ITGAE: variants seen among roughly 807,000 people sequenced by gnomAD.
The protein encoded by ITGAE is integrin subunit alpha E, also known as integrin alpha-E.
ITGAE carries 99 observed loss-of-function variants against 136.5 expected under a neutral mutation model. The observed-to-expected ratio is 0.73, with a 90% CI of 0.62 to 0.86. The LOEUF is 0.86. Ranked by LOEUF, ITGAE falls within the 40% of genes least tolerant of loss-of-function variation. The pLI, the probability that ITGAE is intolerant of heterozygous loss-of-function variation, is 0.00. For synonymous variants in ITGAE, 613 were observed against 591.8 expected, an observed-to-expected ratio of 1.04 and a Z score of -0.52; for missense variants, 1,447 against 1,515.3, an observed-to-expected ratio of 0.95 and a Z score of 0.75.
intron 5 of ITGAE, 85 bp downstream of exon 5, chr17:3,761,318 C>T: frequency 1.3e-6 from 2 of 1,541,560 alleles, no homozygotes; most frequent in Non-Finnish European, 1.8e-6. Flanking sequence ...CGTCCCACTG[C>T]ATCTGCCGTG....
chr17:3,781,407 T>C (rs2052664533), intron 1 of ITGAE, among the ~76,000 whole-genome samples: 1 of 152,162 alleles, frequency 6.6e-6, no homozygotes, highest in African/African-American at 2.4e-5. Flanking sequence ...TGGAGTGCAG[T>C]GGCGCTATCT....
rs201241102 is a variant in ITGAE, at chr17:3,728,029, G to C, written c.2977-3C>G. On this transcript the variant is annotated splice_region_variant and splice_polypyrimidine_tract_variant and intron_variant, in intron 25 of 30. Coordinates refer to ENST00000263087, the MANE Select transcript of ITGAE (RefSeq NM_002208.5). ...CCAAAGAGGTTCTCCCCATGTACCT[G>C]CAAATTAAAATCAGAGTAGGAAATC... The C allele has an allele frequency of 2.7e-5, 44 of 1,611,996 alleles. No individual in the cohort carries two copies. The East Asian group carries it at 4.7e-4, about 17-fold the overall frequency.
At chr17:3,773,047 C>T (rs913778097) in intron 2 of ITGAE, among the ~76,000 whole-genome samples, 1 of 152,174 alleles carries the variant, frequency 6.6e-6, no homozygotes, top group Admixed American at 6.5e-5. Context: ...TCCTAACTTC[C>T]GAGGCCCATC....
At chr17:3,754,211 C>A (rs182314870) in intron 12 of ITGAE, among the ~76,000 whole-genome samples, 48 of 152,298 alleles carry the variant, frequency 3.2e-4, no homozygotes, top group African/African-American at 1.1e-3. Context: ...CTCCCACACA[C>A]ACCCTAGGAG....
At position 3,763,962 on chromosome 17, in the gene ITGAE, T is replaced by A; in HGVS notation, c.156-2A>T. ...GTTCTGGGGCTGGTGACCAGGAGCC[T>A]GAGTGGGAGGGGAGGTTGCAAAGCT... On this transcript the variant is annotated splice_acceptor_variant, in intron 2 of 30. Coordinates refer to ENST00000263087, the MANE Select transcript of ITGAE (RefSeq NM_002208.5). LOFTEE classifies it high-confidence loss of function. 1 of 1,608,846 alleles carries A rather than the reference T, an allele frequency of 6.2e-7. No individual in the cohort carries two copies. The highest frequency in any genetic ancestry group is 8.5e-7 in the Non-Finnish European group (1 of 1,176,202).
intron 21 of ITGAE, among the ~76,000 whole-genome samples, chr17:3,733,471 G>A (rs1038050191): frequency 4.5e-4 from 69 of 152,048 alleles, no homozygotes; most frequent in African/African-American, 1.6e-3. Flanking sequence ...GCCCAGGCTG[G>A]AGTGCAGTGG....
At chr17:3,790,085 G>T (rs1399287160) in intron 1 of ITGAE, among the ~76,000 whole-genome samples, 1 of 152,080 alleles carries the variant, frequency 6.6e-6, no homozygotes, top group Admixed American at 6.6e-5. Context: ...GTCCTTCTTG[G>T]TGTGACACTC....
chr17:3,796,115 GCATCCCTGTGTGTGCATCCA>G (rs2053087502), intron 1 of ITGAE, among the ~76,000 whole-genome samples: 1 of 41,834 alleles, frequency 2.4e-5, no homozygotes, highest in Non-Finnish European at 4.6e-5. Context: ...ATCCCTGTGT[GCATCCCTGTGTGTGCATCCA>G]TGTGTGTGCA....
At chr17:3,728,368 CTTTTTTTTTTTTT>C (rs569101162) in intron 24 of ITGAE, 200 bp from the exon 25 acceptor site, 3 of 191,616 alleles carry the variant, frequency 1.6e-5, no homozygotes, top group Non-Finnish European at 2.7e-5. Context: ...ACACTCATCC[CTTTTTTTTTTTTT>C]TTTTTTTTTT....
In ITGAE at chr17:3,717,599, C is replaced by T. The variant is rs2143005434; in HGVS notation, c.3334-801G>A. 3 of 152,376 alleles carry T rather than the reference C, an allele frequency of 2.0e-5. No individual in the cohort carries two copies. The South Asian group carries it at 6.2e-4, about 32-fold the overall frequency. 9.4% of individuals were successfully genotyped at this position (152,376 alleles called of 1,614,324 possible). ...GGGCCAGAGAGCCAACAAGACTTCT[C>T]TGCCTGCCCAGAGCAACCCTTCACG... On this transcript the variant is annotated intron_variant, in intron 29 of 30. Coordinates refer to ENST00000263087, the MANE Select transcript of ITGAE (RefSeq NM_002208.5).
At chr17:3,749,521 G>T (rs1224853326) in intron 16 of ITGAE, among the ~76,000 whole-genome samples, 1 of 152,136 alleles carries the variant, frequency 6.6e-6, no homozygotes, top group African/African-American at 2.4e-5. Context: ...CAAAGTGCTG[G>T]GATTACAGGT....
chr17:3,740,870 T>G lies in ITGAE; in HGVS notation c.2449-992A>C, dbSNP rs190890389. 7.4e-3 allele frequency among the ~76,000 whole-genome samples: 1,131 copies of G among 152,216 alleles called. 16 individuals are homozygous for G. Among genetic ancestry groups the G allele is most frequent in the Middle Eastern group, 0.01 (3 of 294 alleles). ...CAGCCAGCTCCTCGGCTGGAGAGCC[T>G]CTGCACTTCGCACTTCTCTCCCGGT... On this transcript the variant is annotated intron_variant, in intron 19 of 30. Transcript: ENST00000263087.
In ITGAE at chr17:3,798,493, C is replaced by G. The variant is rs561268756; in HGVS notation, c.34+2618G>C. ...TATCCCCCCTGCACAGAAGGCCCCT[C>G]TGCTCACCCCCAGCCTGTACTTGCC... On this transcript the variant is annotated intron_variant, in intron 1 of 30. Coordinates refer to ENST00000263087, the MANE Select transcript of ITGAE (RefSeq NM_002208.5). The surrounding 1 kb of genome is among the most constrained non-coding windows in gnomAD (Gnocchi z 4.3). Among the ~76,000 whole-genome samples, 27 of 152,268 alleles carry G rather than the reference C, an allele frequency of 1.8e-4. No individual in the cohort carries two copies. The South Asian group carries it at 5.6e-3, about 32-fold the overall frequency.
chr17:3,786,243 G>T (rs1230412436), intron 1 of ITGAE, among the ~76,000 whole-genome samples: 1 of 150,262 alleles, frequency 6.7e-6, no homozygotes, highest in East Asian at 1.9e-4. Flanking sequence ...TGGGTGAAAT[G>T]AACAAATTCC....
Position 3,799,846 on chromosome 17 carries a change from C to T in ITGAE, c.34+1265G>A, listed in dbSNP as rs192794615. Among the ~76,000 whole-genome samples, 156 of 152,298 alleles carry T rather than the reference C, an allele frequency of 1.0e-3. 3 individuals carry two copies. The highest frequency in any genetic ancestry group is 2.1e-4 in the South Asian group (1 of 4,828). On this transcript the variant is annotated intron_variant, in intron 1 of 30. Coordinates refer to ENST00000263087, the MANE Select transcript of ITGAE (RefSeq NM_002208.5). The surrounding 1 kb of genome is among the most constrained non-coding windows in gnomAD (Gnocchi z 4.1). ...GTTTTTGAAATATAAAATATTAGGC[C>T]GGGCAAGGTGGCTCATGCCTGTAGT...
At chr17:3,763,150 C>A (rs927813464) in intron 3 of ITGAE, among the ~76,000 whole-genome samples, 16 of 152,138 alleles carry the variant, frequency 1.1e-4, no homozygotes, top group Non-Finnish European at 1.0e-4. Context: ...GCCTTGGCCT[C>A]CCAGTGTGCT....
chr17:3,797,218 T>A (rs1055850468), intron 1 of ITGAE, among the ~76,000 whole-genome samples: 3 of 141,654 alleles, frequency 2.1e-5, no homozygotes, highest in Non-Finnish European at 4.5e-5. Flanking sequence ...CAGGCTGGAG[T>A]GCAGTGGCGC....
intron 26 of ITGAE, chr17:3,724,838 AGAGAGAGGGCTTCAAGAGGCCGTCCG>A (rs751928358): frequency 6.2e-7 from 1 of 1,613,984 alleles, no homozygotes; most frequent in African/African-American, 1.3e-5. Context: ...ACTCTTGTCA[AGAGAGAGGGCTTCAAGAGGCCGTCCG>A]GAGAGAGCAT....
intron 26 of ITGAE, chr17:3,724,319 A>C: frequency 6.3e-7 from 1 of 1,585,992 alleles, no homozygotes; most frequent in Non-Finnish European, 8.5e-7. Context: ...AGTGCAGCAC[A>C]CCCTGCGGCC....
Sources: allele counts gnomAD v4.1 joint callset (sites outside exome capture counted in the v4.1 genomes callset), GRCh38; gene constraint gnomAD v4.1.1; non-coding constraint Gnocchi (gnomAD v3.1); transcripts MANE v1.5; gene names NCBI Gene and HGNC (gene_info 2026-07-23, HGNC 2026-07-21).